VEGFC: variants seen among roughly 807,000 people sequenced by gnomAD.
VEGFC encodes the protein FLT4 ligand DHM.
A neutral mutation model predicts 46.1 loss-of-function variants in VEGFC; 12 were observed. The observed-to-expected ratio is 0.26, with a 90% CI of 0.17 to 0.42. VEGFC has a LOEUF of 0.42. VEGFC is among the 10% of genes least tolerant of loss of function. VEGFC has a pLI of 1.00. For missense variants in VEGFC, 488 were observed against 529.4 expected (o/e 0.92, Z 0.77); for synonymous variants, 232 against 195.5 (o/e 1.19, Z -1.56).
Position 176,691,790 on chromosome 4 carries a change from G to A in VEGFC, c.705-3863C>T, listed in dbSNP as rs1356472926. On this transcript the variant is annotated intron_variant, in intron 4 of 6. Coordinates refer to ENST00000618562, the MANE Select transcript of VEGFC (RefSeq NM_005429.5). ...TGGGTAATAATTACCAGCTCTTGGG[G>A]AGGAGCCAAGATGGCCAAATAGGAA... Among the ~76,000 whole-genome samples the A allele has an allele frequency of 3.9e-5, 6 of 152,264 alleles. No individual in the cohort carries two copies. The South Asian group carries it at 1.2e-3, about 32-fold the overall frequency.
Position 176,711,555 on chromosome 4 carries a change from A to G in VEGFC, c.648T>C (p.Asp216=). 3 of 1,613,790 alleles carry G rather than the reference A, an allele frequency of 1.9e-6. No homozygotes were observed. Among genetic ancestry groups the G allele is most frequent in the Admixed American group, 1.7e-5 (1 of 60,002 alleles). Residue 216 remains aspartate (D), a synonymous_variant, in exon 4 of 7, where the codon GAT becomes GAC. Transcript: ENST00000618562. ...HTSCRCMSKL[D]VYRQVHSIIR... Reference sequence around the variant, plus strand: ...TAATGGAATGAACTTGTCTGTAAACATCCAGTTTAGACATGCATCGGCAGG... The same window carrying G: ...TAATGGAATGAACTTGTCTGTAAACGTCCAGTTTAGACATGCATCGGCAGG...
At chr4:176,769,991 C>CA (rs1028696776) in intron 1 of VEGFC, among the ~76,000 whole-genome samples, 8 of 151,878 alleles carry the variant, frequency 5.3e-5, no homozygotes, top group East Asian at 1.9e-4. Flanking sequence ...TAACCCATGC[C>CA]AAAAAAATAA....
chr4:176,701,782 GATA>G (rs1401974239), intron 4 of VEGFC, among the ~76,000 whole-genome samples: 1 of 152,116 alleles, frequency 6.6e-6, no homozygotes, highest in Non-Finnish European at 1.5e-5. Context: ...TGGCAAAGAG[GATA>G]ATTTCAGGGG....
chr4:176,780,381 CAA>C (rs1252541684), intron 1 of VEGFC, among the ~76,000 whole-genome samples: 4 of 12,250 alleles, frequency 3.3e-4, no homozygotes, highest in Non-Finnish European at 5.0e-4. Flanking sequence ...GACTCCATCT[CAA>C]AAAAAAAAAA....
intron 3 of VEGFC, among the ~76,000 whole-genome samples, chr4:176,717,031 C>T (rs896064756): frequency 2.0e-5 from 3 of 152,002 alleles, no homozygotes; most frequent in Non-Finnish European, 2.9e-5. Context: ...ATGTATTTAA[C>T]TGATAATGTA....
intron 1 of VEGFC, among the ~76,000 whole-genome samples, chr4:176,785,774 CGTAA>C (rs1423471077): frequency 2.6e-5 from 4 of 152,128 alleles, no homozygotes; most frequent in African/African-American, 2.4e-5. Flanking sequence ...AGAAAGAACA[CGTAA>C]GTCACACTTG....
chr4:176,692,136 T>G (rs536573169), intron 4 of VEGFC, among the ~76,000 whole-genome samples: 35 of 152,038 alleles, frequency 2.3e-4, no homozygotes, highest in Admixed American at 7.2e-4. Context: ...GGCTCACGCC[T>G]GTAATCCCAG....
At chr4:176,727,489 G>A (rs777956459) in intron 3 of VEGFC, among the ~76,000 whole-genome samples, 4 of 151,984 alleles carry the variant, frequency 2.6e-5, no homozygotes, top group Admixed American at 6.6e-5. Flanking sequence ...ACATACACAC[G>A]TACATGTACA....
intron 1 of VEGFC, among the ~76,000 whole-genome samples, chr4:176,748,210 A>G (rs886280359): frequency 1.3e-5 from 2 of 152,112 alleles, no homozygotes; most frequent in African/African-American, 4.8e-5. Flanking sequence ...ATCAACTCAC[A>G]GATAACTGTT....
chr4:176,731,375 T>C (rs1734961931), intron 1 of VEGFC, among the ~76,000 whole-genome samples: 2 of 152,060 alleles, frequency 1.3e-5, no homozygotes, highest in Non-Finnish European at 2.9e-5. Flanking sequence ...ATGGATATGT[T>C]AACATGATTA....
At chr4:176,697,415 C>G (rs201658066) in intron 4 of VEGFC, among the ~76,000 whole-genome samples, 1 of 152,174 alleles carries the variant, frequency 6.6e-6, no homozygotes, top group Non-Finnish European at 1.5e-5. Context: ...CAGAGAAATG[C>G]AAATCAAAAC....
At chr4:176,726,435 G>T (rs1290901741) in intron 3 of VEGFC, among the ~76,000 whole-genome samples, 4 of 151,912 alleles carry the variant, frequency 2.6e-5, no homozygotes, top group Non-Finnish European at 5.9e-5. Context: ...AACCTTTAGA[G>T]TTGAGGCAGA....
intron 4 of VEGFC, among the ~76,000 whole-genome samples, chr4:176,699,335 C>T (rs373719635): frequency 6.6e-6 from 1 of 152,272 alleles, no homozygotes; most frequent in African/African-American, 2.4e-5. Flanking sequence ...GCGGGTTATC[C>T]AACAGGATGT....
At position 176,792,104 on chromosome 4, in the gene VEGFC, G is replaced by A. The variant is rs551173201; in HGVS notation, c.147+61C>T. ...ACACTTTCCCCCGCGCAGGTTCTCGGGTCCGCCGCAGACCCTAACGCAAAC... is the reference window on the plus strand; with the variant it reads ...ACACTTTCCCCCGCGCAGGTTCTCGAGTCCGCCGCAGACCCTAACGCAAAC... On this transcript the variant is annotated intron_variant, in intron 1 of 6. Transcript: ENST00000618562. The surrounding 1 kb of genome is among the most constrained non-coding windows in gnomAD (Gnocchi z 6.3). 16 of 1,403,062 alleles carry A rather than the reference G, an allele frequency of 1.1e-5. No individual in the cohort carries two copies. The South Asian group carries it at 2.3e-4, about 20-fold the overall frequency. 86.9% of individuals were successfully genotyped at this position (1,403,062 alleles called of 1,614,324 possible).
At chr4:176,687,963 A>C (rs746080377) in intron 4 of VEGFC, 36 bp from the exon 5 acceptor site, 8 of 1,296,660 alleles carry the variant, frequency 6.2e-6, no homozygotes, top group African/African-American at 4.4e-5. Flanking sequence ...GCAATGGTGT[A>C]ACTGGTACCT....
chr4:176,739,359 T>C (rs561035427), intron 1 of VEGFC, among the ~76,000 whole-genome samples: 3 of 151,908 alleles, frequency 2.0e-5, no homozygotes, highest in South Asian at 2.1e-4. Context: ...CCATCAATGA[T>C]AGACTGGATA....
intron 1 of VEGFC, among the ~76,000 whole-genome samples, chr4:176,763,095 A>G (rs1735558031): frequency 6.6e-6 from 1 of 152,250 alleles, no homozygotes; most frequent in Admixed American, 6.5e-5. Context: ...CTGAAGTAAC[A>G]CTATCTGTGT....
At chr4:176,777,446 A>G (rs2110938042) in intron 1 of VEGFC, among the ~76,000 whole-genome samples, 1 of 152,320 alleles carries the variant, frequency 6.6e-6, no homozygotes, top group East Asian at 1.9e-4. Flanking sequence ...TGTCTATATA[A>G]AACTTTTAAA....
At chr4:176,739,555 A>G (rs981612642) in intron 1 of VEGFC, among the ~76,000 whole-genome samples, 2 of 151,928 alleles carry the variant, frequency 1.3e-5, no homozygotes, top group African/African-American at 4.8e-5. Flanking sequence ...GAACACATGC[A>G]CACATGGGAG....
Sources: gnomAD v4.1 joint callset for allele counts (sites outside exome capture counted in the v4.1 genomes callset) on GRCh38, gnomAD v4.1.1 for gene constraint, Gnocchi (gnomAD v3.1) non-coding constraint, MANE v1.5 for transcripts, NCBI Gene and HGNC (gene_info 2026-07-23, HGNC 2026-07-21) for gene names.